CCN4: variants seen among roughly 807,000 people sequenced by gnomAD.
The protein encoded by CCN4 is CCN family member 4.
CCN4 carries 30 observed loss-of-function variants against 36.7 expected under a neutral mutation model. The observed-to-expected ratio is 0.82, with a 90% CI of 0.61 to 1.11. The LOEUF is 1.11. Ranked by LOEUF, CCN4 falls within the 50% of genes least tolerant of loss-of-function variation. The pLI, the probability that CCN4 is intolerant of heterozygous loss-of-function variation, is 0.00. For missense variants in CCN4, 505 were observed against 504.9 expected, an observed-to-expected ratio of 1.00 and a Z score of 0.00; for synonymous variants, 191 against 195.4, an observed-to-expected ratio of 0.98 and a Z score of 0.19.
chr8:133,193,030 G>T (rs533230800), intron 1 of CCN4, among the ~76,000 whole-genome samples: 1 of 152,208 alleles, frequency 6.6e-6, no homozygotes, highest in Non-Finnish European at 1.5e-5. Flanking sequence ...AGATGCTTCT[G>T]GGACAGAGGT....
At chr8:133,207,736 G>A (rs922682292) in intron 1 of CCN4, among the ~76,000 whole-genome samples, 1 of 152,230 alleles carries the variant, frequency 6.6e-6, no homozygotes, top group African/African-American at 2.4e-5. Flanking sequence ...TCTTAGGTAT[G>A]TTGATTATAA....
At position 133,227,429 on chromosome 8, in the gene CCN4, G is replaced by T. The variant is rs1854778726; in HGVS notation, c.823G>T (p.Ala275Ser). 2.5e-6 allele frequency: 4 copies of T among 1,613,344 alleles called. No homozygotes were observed. In the East Asian group the frequency reaches 6.7e-5, roughly 27 times the overall value. Residue 275 changes from alanine to serine, a missense_variant, in exon 5 of 5, where the codon GCT (alanine) becomes TCT (serine). Transcript: ENST00000250160. Reference sequence around the variant, plus strand: ...CCTTCAGGCAGGGAAGAAGTGTCTGGCTGTGTACCAGCCAGAGGCATCCAT... The same window carrying T: ...CCTTCAGGCAGGGAAGAAGTGTCTGTCTGTGTACCAGCCAGAGGCATCCAT... ...TLIKAGKKCL[A>S]VYQPEASMNF...
chr8:133,219,436 A>C (rs1303538784), intron 2 of CCN4, among the ~76,000 whole-genome samples: 1 of 152,116 alleles, frequency 6.6e-6, no homozygotes, highest in Non-Finnish European at 1.5e-5. Context: ...GTCATCACCC[A>C]GTGAGGCCTT....
At chr8:133,204,144 A>G (rs2130550526) in intron 1 of CCN4, among the ~76,000 whole-genome samples, 1 of 152,304 alleles carries the variant, frequency 6.6e-6, no homozygotes, top group East Asian at 1.9e-4. Flanking sequence ...AGTGGGGTTA[A>G]GGACTTAGGG....
At chr8:133,202,356 C>T (rs756623283) in intron 1 of CCN4, among the ~76,000 whole-genome samples, 3 of 152,202 alleles carry the variant, frequency 2.0e-5, no homozygotes, top group Admixed American at 1.3e-4. Flanking sequence ...GCCTGTTTTA[C>T]GTTCCTGTCT....
chr8:133,191,049 C>A lies in CCN4; in HGVS notation c.-96C>A. On this transcript the variant is annotated 5_prime_UTR_variant, in exon 1 of 5. Coordinates refer to ENST00000250160, the MANE Select transcript of CCN4 (RefSeq NM_003882.4). ...GGCTGCGGAAGAGGCATATCTGGTGCTCCTGATGGGCCGGCCAGTCTGGGC... is the reference window on the plus strand; with the variant it reads ...GGCTGCGGAAGAGGCATATCTGGTGATCCTGATGGGCCGGCCAGTCTGGGC... 1 of 1,329,518 alleles carries A rather than the reference C, an allele frequency of 7.5e-7. No individual in the cohort carries two copies. Among genetic ancestry groups the A allele is most frequent in the Non-Finnish European group, 1.1e-6 (1 of 944,782 alleles). The allele number at this position is 1,329,518 out of a possible 1,614,324, so 82.4% of individuals were successfully genotyped here.
intron 1 of CCN4, 65 bp downstream of exon 1, chr8:133,191,278 T>C: frequency 2.0e-6 from 3 of 1,514,974 alleles, no homozygotes; most frequent in Non-Finnish European, 2.7e-6. Context: ...TCCTGCTACA[T>C]GGGGGCTGGT....
rs1463968659 is a variant in CCN4 at position 133,230,223 on chromosome 8, T to G, written c.*2513T>G. Reference sequence around the variant, plus strand: ...GAGGGCAAGTCTCAGACCCATGGGTTGAAGCCATGGAGAAGGAAATTTGGA... The same window carrying G: ...GAGGGCAAGTCTCAGACCCATGGGTGGAAGCCATGGAGAAGGAAATTTGGA... On this transcript the variant is annotated 3_prime_UTR_variant, in exon 5 of 5. Transcript: ENST00000250160. 6.6e-6 allele frequency: 1 copy of G among 152,250 alleles called. No individual in the cohort carries two copies. The highest frequency in any genetic ancestry group is 1.5e-5 in the Non-Finnish European group (1 of 68,042). 9.4% of individuals were successfully genotyped at this position (152,250 alleles called of 1,614,324 possible).
chr8:133,194,005 GACTA>G (rs1324345656), intron 1 of CCN4, among the ~76,000 whole-genome samples: 1 of 152,184 alleles, frequency 6.6e-6, no homozygotes, highest in Non-Finnish European at 1.5e-5. Context: ...TGTTAATTGG[GACTA>G]ACTGTCTCAC....
intron 1 of CCN4, among the ~76,000 whole-genome samples, chr8:133,192,882 C>A (rs1219307568): frequency 6.6e-6 from 1 of 152,206 alleles, no homozygotes; most frequent in African/African-American, 2.4e-5. Context: ...AGGAGACCAG[C>A]AAAGGAGCAG....
In CCN4 at chr8:133,220,671, T is replaced by A; in HGVS notation, c.440T>A (p.Ile147Asn). 6 of 1,614,076 alleles carry A rather than the reference T, an allele frequency of 3.7e-6. No homozygotes were observed. Residue 147 changes from isoleucine (I) to asparagine (N), a missense_variant, in exon 3 of 5, where the codon ATC becomes AAC. By Grantham distance (149) the Ile-to-Asn change is moderately radical (BLOSUM62 -3). Coordinates refer to ENST00000250160, the MANE Select transcript of CCN4 (RefSeq NM_003882.4). ...AACTGCAAGTACAACTGCACGTGCA[T>A]CGACGGCGCGGTGGGCTGCACACCA... is the stretch of plus-strand genomic sequence containing the variant. ...QPNCKYNCTCIDGAVGCTPLC... is the reference protein window; with the variant it reads ...QPNCKYNCTCNDGAVGCTPLC...
chr8:133,219,632 G>T (rs910232902), intron 2 of CCN4, among the ~76,000 whole-genome samples: 2 of 152,158 alleles, frequency 1.3e-5, no homozygotes, highest in East Asian at 1.9e-4. Flanking sequence ...ACAGCATTGT[G>T]TTTTTTTAGG....
At chr8:133,201,686 T>C (rs914222603) in intron 1 of CCN4, among the ~76,000 whole-genome samples, 1 of 151,846 alleles carries the variant, frequency 6.6e-6, no homozygotes. Context: ...TACTAAGAAA[T>C]GCAAAAATTA....
At chr8:133,218,405 G>A (rs998200288) in intron 2 of CCN4, among the ~76,000 whole-genome samples, 2 of 152,146 alleles carry the variant, frequency 1.3e-5, no homozygotes, top group African/African-American at 4.8e-5. Context: ...GCTTCCCGCT[G>A]TGGTCACCTT....
intron 1 of CCN4, among the ~76,000 whole-genome samples, chr8:133,191,982 C>T (rs527819618): frequency 9.2e-5 from 14 of 152,154 alleles, no homozygotes; most frequent in Admixed American, 8.5e-4. Flanking sequence ...CATATGTGAC[C>T]GTGTAGAGCC....
At position 133,213,047 on chromosome 8, in the gene CCN4, G is replaced by A. The variant is rs202221836; in HGVS notation, c.253G>A (p.Asp85Asn). The A allele has an allele frequency of 2.1e-4, 339 of 1,614,044 alleles. No homozygotes were observed. The highest frequency in any genetic ancestry group is 3.3e-4 in the Middle Eastern group (2 of 6,082). ...CCKMCAQQLG[D>N]NCTEAAICDP... ...TAAGATGTGCGCTCAGCAGCTTGGG[G>A]ACAACTGCACGGAGGCTGCCATCTG... Residue 85 changes from aspartate (D) to asparagine (N), a missense_variant, in exon 2 of 5, where the codon GAC becomes AAC. Asp to Asn is a conservative substitution (Grantham distance 23). Coordinates refer to ENST00000250160, the MANE Select transcript of CCN4 (RefSeq NM_003882.4).
rs74411598 is a variant in CCN4 at position 133,196,246 on chromosome 8, C to T, written c.69+5033C>T. Among the ~76,000 whole-genome samples, 945 of 152,296 alleles carry T rather than the reference C, an allele frequency of 6.2e-3. 2 individuals carry two copies. The highest frequency in any genetic ancestry group is 9.3e-3 in the Admixed American group (142 of 15,300). On this transcript the variant is annotated intron_variant, in intron 1 of 4. Transcript: ENST00000250160. ...ATCTAGACCAGCCAGTCAGTAGCCA[C>T]GTGTGGCAGGAGGCCACTCAGCACT...
At chr8:133,213,904 ACAC>A in intron 2 of CCN4, among the ~76,000 whole-genome samples, 1 of 89,246 alleles carries the variant, frequency 1.1e-5, no homozygotes, top group South Asian at 3.5e-4. Context: ...AATATACTAT[ACAC>A]TATATATAGT....
In CCN4 at chr8:133,229,088, G is replaced by A. The variant is rs1258800752; in HGVS notation, c.*1378G>A. ...TGCTCTCAGTGCTTTGCATGTATTA[G>A]CTCACTGAATCTTCACGACAATGTT... On this transcript the variant is annotated 3_prime_UTR_variant, in exon 5 of 5. Coordinates refer to ENST00000250160, the MANE Select transcript of CCN4 (RefSeq NM_003882.4). The A allele has an allele frequency of 6.6e-6, 1 of 152,108 alleles. No homozygotes were observed. The highest frequency in any genetic ancestry group is 2.4e-5 in the African/African-American group (1 of 41,400). The allele number at this position is 152,108 out of a possible 1,614,324, so 9.4% of individuals were successfully genotyped here. A position where few individuals can be genotyped will look rare whatever the true frequency, so the allele number is the denominator to read the frequency against.
Sources: allele counts gnomAD v4.1 joint callset (sites outside exome capture counted in the v4.1 genomes callset), GRCh38; gene constraint gnomAD v4.1.1; transcripts MANE v1.5; gene names NCBI Gene and HGNC (gene_info 2026-07-23, HGNC 2026-07-21).